Variants in CFAP65 observed in about 807,000 individuals in gnomAD.
CFAP65 encodes the protein cilia- and flagella-associated protein 65.
A neutral mutation model predicts 208.0 loss-of-function variants in CFAP65; 155 were observed. The ratio of observed to expected loss-of-function variants is 0.75; its 90% CI spans 0.65 to 0.85. The LOEUF (loss-of-function observed/expected upper bound fraction) is 0.85. CFAP65 is among the 40% of genes least tolerant of loss of function. The probability of loss-of-function intolerance (pLI) is 0.00; values close to 1 mark genes in which losing one functional copy is unlikely to be tolerated. For synonymous variants in CFAP65, 970 were observed against 986.3 expected, an observed-to-expected ratio of 0.98 and a Z score of 0.31; for missense variants, 2,294 against 2,451.3, an observed-to-expected ratio of 0.94 and a Z score of 1.36.
chr2:219,027,616 C>T, intron 13 of CFAP65, 34 bp downstream of exon 13: 2 of 1,613,378 alleles, frequency 1.2e-6, no homozygotes, highest in Non-Finnish European at 1.7e-6. Flanking sequence ...CTAGCAGAGA[C>T]CCCGCATTCC....
intron 25 of CFAP65, 23 bp from the exon 26 acceptor site, chr2:219,010,727 G>A: frequency 3.1e-6 from 5 of 1,595,914 alleles, no homozygotes; most frequent in Non-Finnish European, 4.3e-6. Context: ...GAGGGTGGGG[G>A]TAGGGACTGG....
chr2:219,013,933 G>T lies in CFAP65; in HGVS notation c.3714C>A (p.Phe1238Leu). 6.2e-7 allele frequency: 1 copy of T among 1,614,042 alleles called. No homozygotes were observed. Among genetic ancestry groups the T allele is most frequent in the Non-Finnish European group, 8.5e-7 (1 of 1,179,990 alleles). Residue 1238 changes from phenylalanine to leucine, a missense_variant, in exon 22 of 35, where the codon TTC (phenylalanine) becomes TTA (leucine). Phe to Leu is a conservative substitution (Grantham distance 22). Transcript: ENST00000341552. Reference protein sequence around the residue: ...HQMRVQDNCLFSISPKAGSLS... With the variant: ...HQMRVQDNCLLSISPKAGSLS... ...GGCTCCCAGCCTTGGGGCTGATGGA[G>T]AAGAGGCAATTGTCCTGCACGCGCA...
Position 219,002,971 on chromosome 2 carries a change from T to A in CFAP65, c.5744A>T (p.His1915Leu), listed in dbSNP as rs1204322360. The change falls in exon 35 of 35, where the codon CAC becomes CTC. Residue 1915 changes from histidine (H) to leucine (L), a missense_variant. By Grantham distance (99) the His-to-Leu change is moderately conservative (BLOSUM62 -3). Transcript: ENST00000341552. This position sits in a 1 kb window ranked among gnomAD's most constrained non-coding sequence, Gnocchi z 7.9. ...GTCGGTAGGAAGTGGCACCACCGGG[T>A]GGAGTACCTCTGCTTGCTGCGTCGG... ...LLPTQQAEVLHPVVPLPTDLP is the reference protein window; with the variant it reads ...LLPTQQAEVLLPVVPLPTDLP 1.8e-5 allele frequency: 28 copies of A among 1,566,100 alleles called. No homozygotes were observed. The highest frequency in any genetic ancestry group is 2.3e-5 in the Non-Finnish European group (27 of 1,155,274).
chr2:219,024,983 A>T (rs1947535358), intron 14 of CFAP65, among the ~76,000 whole-genome samples: 1 of 152,212 alleles, frequency 6.6e-6, no homozygotes, highest in South Asian at 2.1e-4. Flanking sequence ...GATGATTCTC[A>T]TGCAGGTAAC....
In CFAP65 at chr2:219,013,306, G is replaced by A. The variant is rs764037910; in HGVS notation, c.3910C>T (p.His1304Tyr). 10 of 1,613,940 alleles carry A rather than the reference G, an allele frequency of 6.2e-6. No individual in the cohort carries two copies. The East Asian group carries it at 1.3e-4, about 22-fold the overall frequency. ...CCAATGGGAATGGGGATGAACTGGT[G>A]GGTAGTAGAGGTGAAGTGCACATAC... ...QKYVHFTSTT[H>Y]QFIPIPIGDT... Residue 1304 changes from histidine to tyrosine, a missense_variant, in exon 24 of 35, where the codon CAC becomes TAC. This residue lies in a region of CFAP65 where 1,427 missense variants were observed against 1,438.7 expected (regional missense o/e 0.99). Transcript: ENST00000341552.
rs369014926 is a variant in CFAP65, at chr2:219,038,414, G to T, written c.318C>A (p.Ser106Arg). Residue 106 changes from serine (S) to arginine (R), a missense_variant, in exon 4 of 35, where the codon AGC becomes AGA. Around this residue, in one of 2 missense-constraint regions of CFAP65, gnomAD observed 867 missense variants for 1,012.6 expected, o/e 0.86. Transcript: ENST00000341552. ...STVAIPAINDSSAAMSACSTI... is the reference protein window; with the variant it reads ...STVAIPAINDRSAAMSACSTI... ...TGCTGCAGGCACTCATGGCTGCACT[G>T]CTGTCGTTGATGGCAGGGATGGCCA... 6.2e-7 allele frequency: 1 copy of T among 1,613,654 alleles called. No individual in the cohort carries two copies. The highest frequency in any genetic ancestry group is 1.3e-5 in the African/African-American group (1 of 75,018).
chr2:219,029,726 T>C (rs1947888475), intron 10 of CFAP65, 58 bp from the exon 11 acceptor site: 2 of 1,575,464 alleles, frequency 1.3e-6, no homozygotes, highest in African/African-American at 1.3e-5. Flanking sequence ...AAAGTTCCAC[T>C]GAAGGGAGGT....
In CFAP65 at chr2:219,004,494, G is replaced by T. The variant is rs2106044373; in HGVS notation, c.5052-39C>A. ...AGAAGGAGAAGGCCCTTGCTGAGGG[G>T]CCCTGAAGCCCCTGGGGAGCCCTGG... On this transcript the variant is annotated intron_variant, in intron 32 of 34. Transcript: ENST00000341552. This position sits in a 1 kb window ranked among gnomAD's most constrained non-coding sequence, Gnocchi z 4.7. The T allele has an allele frequency of 6.4e-7, 1 of 1,557,132 alleles. No individual in the cohort carries two copies. Among genetic ancestry groups the T allele is most frequent in the Non-Finnish European group, 8.7e-7 (1 of 1,155,634 alleles).
rs560148991 is a variant in CFAP65, at chr2:219,015,291, A to G, written c.3603-1247T>C. On this transcript the variant is annotated intron_variant, in intron 21 of 34. Coordinates refer to ENST00000341552, the MANE Select transcript of CFAP65 (RefSeq NM_194302.4). ...CCTGAGGAGAATGTGCGCAACACAC[A>G]CCTAAGGAGAACGCGTGCAACACAC... 2.0e-5 allele frequency: 3 copies of G among 148,718 alleles called. 1 individual carries two copies. In the East Asian group the frequency reaches 6.1e-4, roughly 30 times the overall value. The allele number at this position is 148,718 out of a possible 1,614,324, so 9.2% of individuals were successfully genotyped here.
At chr2:219,009,559 G>A (rs1946282537) in intron 27 of CFAP65, 99 bp from the exon 28 acceptor site, 3 of 757,880 alleles carry the variant, frequency 4.0e-6, no homozygotes, top group Middle Eastern at 2.3e-4. Flanking sequence ...GATAAGATGA[G>A]ATGAGACAAG....
At chr2:219,010,342 C>T (rs567912663) in intron 26 of CFAP65, among the ~76,000 whole-genome samples, 1 of 152,264 alleles carries the variant, frequency 6.6e-6, no homozygotes, top group East Asian at 1.9e-4. Flanking sequence ...CCTGTGGGCA[C>T]TAGGTGGCAG....
rs754841549 is a variant in CFAP65 at position 219,024,245 on chromosome 2, A to T, written c.2365T>A (p.Ser789Thr). 2 of 1,612,662 alleles carry T rather than the reference A, an allele frequency of 1.2e-6. No homozygotes were observed. The highest frequency in any genetic ancestry group is 1.7e-6 in the Non-Finnish European group (2 of 1,179,562). The change falls in exon 15 of 35, where the codon TCC becomes ACC. Residue 789 changes from serine to threonine, a missense_variant. Physicochemically the swap from Ser to Thr is moderately conservative, Grantham distance 58. Transcript: ENST00000341552. ...LDVPKLFPAV[S>T]SGEPTYRSLL... is the part of the protein sequence containing the mutation. ...CTGCGGTAGGTGGGCTCACCGGAGG[A>T]CACTGCTGGAAATAGCTGGGGGTGG...
chr2:219,021,007 T>C, intron 19 of CFAP65, 145 bp downstream of exon 19: 1 of 819,504 alleles, frequency 1.2e-6, no homozygotes, highest in Non-Finnish European at 1.8e-6. Flanking sequence ...GTGGCATTTA[T>C]GCCAGACACC....
Position 219,027,855 on chromosome 2 carries a change from G to C in CFAP65, c.2006C>G (p.Pro669Arg). 3 of 1,582,464 alleles carry C rather than the reference G, an allele frequency of 1.9e-6. No individual in the cohort carries two copies. Among genetic ancestry groups the C allele is most frequent in the Non-Finnish European group, 2.6e-6 (3 of 1,161,496 alleles). Residue 669 changes from proline to arginine, a missense_variant, in exon 13 of 35, where the codon CCC (proline) becomes CGC (arginine). Physicochemically the swap from Pro to Arg is moderately radical, Grantham distance 103 (BLOSUM62 -2). Coordinates refer to ENST00000341552, the MANE Select transcript of CFAP65 (RefSeq NM_194302.4). The part of the protein sequence containing the change: ...DFGACPGPEA[P>R]NPVPLCLMNH... ...CATCAGGCACAGGGGTACAGGGTTG[G>C]GGGCCTCAGGCCCTGGGCAGGCACC...
intron 13 of CFAP65, chr2:219,026,601 T>G (rs1029206563): frequency 1.8e-5 from 3 of 169,100 alleles, no homozygotes; most frequent in Non-Finnish European, 3.6e-5. Flanking sequence ...TCTTATCACT[T>G]TAACATATAA....
At chr2:219,030,611 C>A in intron 9 of CFAP65, 78 bp downstream of exon 9, 2 of 1,542,806 alleles carry the variant, frequency 1.3e-6, no homozygotes, top group Non-Finnish European at 1.8e-6. Context: ...AAAGGGGGGG[C>A]ATTCTGCAAG....
intron 18 of CFAP65, 120 bp downstream of exon 18, chr2:219,021,660 C>T: frequency 3.4e-6 from 4 of 1,160,378 alleles, no homozygotes; most frequent in Non-Finnish European, 4.9e-6. Context: ...ATACTCCCAC[C>T]TCAGCTTCTT....
Position 219,003,251 on chromosome 2 carries a change from C to A in CFAP65, c.5577G>T (p.Leu1859=). 1 of 1,544,292 alleles carries A rather than the reference C, an allele frequency of 6.5e-7. No individual in the cohort carries two copies. Among genetic ancestry groups the A allele is most frequent in the Non-Finnish European group, 8.7e-7 (1 of 1,143,624 alleles). The change falls in exon 34 of 35, where the codon CTG becomes CTT. Residue 1859 remains leucine (L), a synonymous_variant. Coordinates refer to ENST00000341552, the MANE Select transcript of CFAP65 (RefSeq NM_194302.4). This position sits in a 1 kb window ranked among gnomAD's most constrained non-coding sequence, Gnocchi z 4.4. ...AIRRLPAFAN[L]QEALLENMIQ... Reference sequence around the variant, plus strand: ...TCATGTTCTCCAGCAGCGCCTCCTGCAGGTTGGCGAAGGCCGGGAGCCTGC... The same window carrying A: ...TCATGTTCTCCAGCAGCGCCTCCTGAAGGTTGGCGAAGGCCGGGAGCCTGC...
intron 2 of CFAP65, 38 bp from the exon 3 acceptor site, chr2:219,039,088 C>G: frequency 6.5e-7 from 1 of 1,539,068 alleles, no homozygotes; most frequent in Non-Finnish European, 8.8e-7. Flanking sequence ...CAATCCATCT[C>G]CAGAGCAGAG....
Sources: gnomAD v4.1 joint callset for allele counts (sites outside exome capture counted in the v4.1 genomes callset) on GRCh38, gnomAD v4.1.1 for gene constraint, gnomAD v4.1.1 regional missense constraint, Gnocchi (gnomAD v3.1) non-coding constraint, MANE v1.5 for transcripts, NCBI Gene and HGNC (gene_info 2026-07-23, HGNC 2026-07-21) for gene names.